Variants in GPD2 observed in about 807,000 individuals in gnomAD.
The protein encoded by GPD2 is glycerol-3-phosphate dehydrogenase 2, also known as glycerol-3-phosphate dehydrogenase, mitochondrial.
Under a neutral mutation model 82.4 loss-of-function variants are expected in GPD2, and 54 were observed. The ratio of observed to expected loss-of-function variants is 0.66; its 90% CI spans 0.53 to 0.82. The LOEUF (loss-of-function observed/expected upper bound fraction) is 0.82. Ranked by LOEUF, GPD2 falls within the 40% of genes least tolerant of loss-of-function variation. The pLI, the probability that GPD2 is intolerant of heterozygous loss-of-function variation, is 0.00. For missense variants in GPD2, 748 were observed against 896.2 expected, an observed-to-expected ratio of 0.83 and a Z score of 2.11; for synonymous variants, 288 against 306.1, an observed-to-expected ratio of 0.94 and a Z score of 0.62.
the GPD2 span, among the ~76,000 whole-genome samples, chr2:156,417,914 T>A: frequency 6.6e-6 from 1 of 151,864 alleles, no homozygotes. Flanking sequence ...GTAAATTGAT[T>A]TGAGGAAAAA....
At position 156,468,463 on chromosome 2, in the gene GPD2, T is replaced by A. The variant is rs559922969; in HGVS notation, c.-8-7635T>A. On this transcript the variant is annotated intron_variant, in intron 1 of 16. Coordinates refer to ENST00000438166, the MANE Select transcript of GPD2 (RefSeq NM_000408.5). ...ACACGACTCAAAATAGTTGAAGGAGTGGGTTTTGCATGCACAGCTACAGGA... is the reference window on the plus strand; with the variant it reads ...ACACGACTCAAAATAGTTGAAGGAGAGGGTTTTGCATGCACAGCTACAGGA... 2.0e-5 allele frequency among the ~76,000 whole-genome samples: 3 copies of A among 151,766 alleles called. 1 individual carries two copies. The South Asian group carries it at 6.2e-4, about 32-fold the overall frequency.
At chr2:156,466,208 C>T (rs1683144270) in intron 1 of GPD2, among the ~76,000 whole-genome samples, 1 of 152,158 alleles carries the variant, frequency 6.6e-6, no homozygotes, top group South Asian at 2.1e-4. Flanking sequence ...AAACACAAAT[C>T]CGTGAATATA....
chr2:156,566,341 C>T (rs1687389382), intron 9 of GPD2, among the ~76,000 whole-genome samples: 1 of 152,062 alleles, frequency 6.6e-6, no homozygotes, highest in African/African-American at 2.4e-5. Context: ...TTGTCTTCCT[C>T]AACTGAAATT....
chr2:156,474,640 G>T (rs2105198990), intron 1 of GPD2, among the ~76,000 whole-genome samples: 1 of 152,252 alleles, frequency 6.6e-6, no homozygotes, highest in South Asian at 2.1e-4. Flanking sequence ...AACAGTAAAA[G>T]CGGACAAAAG....
At chr2:156,498,560 A>G (rs1684470625) in intron 3 of GPD2, among the ~76,000 whole-genome samples, 2 of 152,208 alleles carry the variant, frequency 1.3e-5, no homozygotes, top group Non-Finnish European at 1.5e-5. Context: ...TTGAGGCTAT[A>G]TATGAGAGAA....
intron 16 of GPD2, 23 bp downstream of exon 16, chr2:156,579,811 A>C: frequency 9.2e-7 from 1 of 1,092,072 alleles, no homozygotes; most frequent in Admixed American, 1.7e-5. Context: ...GAAAGGAAAC[A>C]AGGATATTTG....
intron 3 of GPD2, among the ~76,000 whole-genome samples, chr2:156,505,681 A>AAG (rs1437010204): frequency 2.0e-5 from 3 of 152,202 alleles, no homozygotes; most frequent in Non-Finnish European, 4.4e-5. Context: ...CAGCCTCCTC[A>AAG]AATCCATAGT....
chr2:156,441,679 ATATC>A (rs1432113217), intron 1 of GPD2, among the ~76,000 whole-genome samples: 1 of 152,202 alleles, frequency 6.6e-6, no homozygotes, highest in African/African-American at 2.4e-5. Context: ...AGAAGTGTGG[ATATC>A]CCGGGGCCCA....
At chr2:156,539,583 T>C (rs1686225023) in intron 6 of GPD2, among the ~76,000 whole-genome samples, 1 of 152,162 alleles carries the variant, frequency 6.6e-6, no homozygotes, top group African/African-American at 2.4e-5. Context: ...AGATAAAGGC[T>C]CTCTCAAAAG....
chr2:156,539,633 A>G (rs568619859), intron 6 of GPD2, among the ~76,000 whole-genome samples: 78 of 152,316 alleles, frequency 5.1e-4, no homozygotes, highest in African/African-American at 1.5e-3. Flanking sequence ...TCCTTGGCAC[A>G]TGGTTCCATG....
At position 156,581,905 on chromosome 2, in the gene GPD2, T is replaced by A. The variant is rs571358315; in HGVS notation, c.2059-888T>A. Among the ~76,000 whole-genome samples the A allele has an allele frequency of 3.3e-5, 5 of 152,148 alleles. No individual in the cohort carries two copies. In the South Asian group the frequency reaches 8.3e-4, roughly 25 times the overall value. ...TAAAAGCTATAACCCTAAAAATATT[T>A]TGAGAATTTACATACATACATAGAT... On this transcript the variant is annotated intron_variant, in intron 16 of 16. Transcript: ENST00000438166.
chr2:156,421,235 C>G, the GPD2 span, among the ~76,000 whole-genome samples: 2 of 152,172 alleles, frequency 1.3e-5, no homozygotes, highest in African/African-American at 4.8e-5. Flanking sequence ...CTGAGGTGCT[C>G]ATTAGAATGC....
intron 1 of GPD2, among the ~76,000 whole-genome samples, chr2:156,437,967 G>T (rs1682011093): frequency 6.6e-6 from 1 of 152,108 alleles, no homozygotes; most frequent in African/African-American, 2.4e-5. Context: ...TATCCTGTTT[G>T]GTTGTTTTCT....
rs1687009044 is a variant in GPD2, at chr2:156,557,547, A to G, written c.1130A>G (p.Asn377Ser). 1 of 1,601,740 alleles carries G rather than the reference A, an allele frequency of 6.2e-7. No homozygotes were observed. Residue 377 changes from asparagine to serine, a missense_variant, in exon 9 of 17, where the codon AAT (asparagine) becomes AGT (serine). Physicochemically the swap from Asn to Ser is conservative, Grantham distance 46. This residue lies in a region of GPD2 where 692 missense variants were observed against 809.7 expected (regional missense o/e 0.85). Coordinates refer to ENST00000438166, the MANE Select transcript of GPD2 (RefSeq NM_000408.5). ...PSEEDINFIL[N>S]EVRNYLSCDV... ...GAAGAAGATATCAACTTCATTTTGAATGAAGTGCGTAATTACCTGAGTTGT... is the reference window on the plus strand; with the variant it reads ...GAAGAAGATATCAACTTCATTTTGAGTGAAGTGCGTAATTACCTGAGTTGT...
intron 6 of GPD2, among the ~76,000 whole-genome samples, chr2:156,530,663 G>T (rs2105305180): frequency 6.6e-6 from 1 of 151,918 alleles, no homozygotes; most frequent in Non-Finnish European, 1.5e-5. Flanking sequence ...TTTGTCAAAG[G>T]CCTTTTCTGC....
chr2:156,560,471 TAA>T (rs1468651648), intron 9 of GPD2, among the ~76,000 whole-genome samples: 4 of 152,188 alleles, frequency 2.6e-5, no homozygotes, highest in Non-Finnish European at 4.4e-5. Context: ...ATCTTGAGAT[TAA>T]GAGTCCTCCA....
intron 1 of GPD2, among the ~76,000 whole-genome samples, chr2:156,471,680 C>T (rs927077755): frequency 1.3e-5 from 2 of 152,196 alleles, no homozygotes. Context: ...TCACTGAAGC[C>T]TTCTTTAATT....
chr2:156,579,318 C>A (rs7422938), intron 15 of GPD2, among the ~76,000 whole-genome samples, 154 bp downstream of exon 15: 2 of 146,206 alleles, frequency 1.4e-5, no homozygotes, highest in African/African-American at 2.5e-5. Flanking sequence ...AATTTTTTTT[C>A]TTTTTTCTTT....
At chr2:156,401,011 G>T in the GPD2 span, among the ~76,000 whole-genome samples, 1 of 152,200 alleles carries the variant, frequency 6.6e-6, no homozygotes, top group African/African-American at 2.4e-5. Flanking sequence ...TTGACTGCTC[G>T]AAGTAAAAGT....
Sources: gnomAD v4.1 joint callset for allele counts (sites outside exome capture counted in the v4.1 genomes callset) on GRCh38, gnomAD v4.1.1 for gene constraint, gnomAD v4.1.1 regional missense constraint, MANE v1.5 for transcripts, NCBI Gene and HGNC (gene_info 2026-07-23, HGNC 2026-07-21) for gene names.